SMIM13: variants seen among roughly 807,000 people sequenced by gnomAD.
SMIM13 encodes UPF0766 protein C6orf228.
SMIM13 carries 3 observed loss-of-function variants against 5.9 expected under a neutral mutation model. That is an observed-to-expected ratio of 0.51 (90% CI 0.23 to 1.31). The LOEUF is 1.31. Among genes scored for constraint, SMIM13 ranks in the 40% most tolerant of loss-of-function variants. SMIM13 has a pLI of 0.18. For missense variants in SMIM13, 85 were observed against 109.9 expected (o/e 0.77, Z 1.01); for synonymous variants, 55 against 46.0 (o/e 1.19, Z -0.79).
chr6:11,114,997 C>T (rs1758218740), intron 1 of SMIM13, among the ~76,000 whole-genome samples: 2 of 152,134 alleles, frequency 1.3e-5, no homozygotes, highest in African/African-American at 4.8e-5. Context: ...TTGGTCATGA[C>T]ATGTTATCCA....
At chr6:11,105,286 T>A (rs754919840) in intron 1 of SMIM13, 1 of 1,613,760 alleles carries the variant, frequency 6.2e-7, no homozygotes, top group Non-Finnish European at 8.5e-7. Context: ...GGCGTGAGAA[T>A]GAGAACCAGC....
intron 1 of SMIM13, among the ~76,000 whole-genome samples, chr6:11,128,661 A>G (rs949069501): frequency 6.6e-6 from 1 of 152,116 alleles, no homozygotes; most frequent in Non-Finnish European, 1.5e-5. Flanking sequence ...TCCCCAGAGC[A>G]CTTTAGCCCA....
intron 1 of SMIM13, among the ~76,000 whole-genome samples, chr6:11,115,660 G>GTTCT (rs947743451): frequency 6.6e-6 from 1 of 150,556 alleles, no homozygotes; most frequent in Admixed American, 6.6e-5. Context: ...CCTTTGCCAT[G>GTTCT]TTCTTTCTTT....
chr6:11,132,853 C>T (rs1403894354), intron 1 of SMIM13, among the ~76,000 whole-genome samples: 4 of 152,048 alleles, frequency 2.6e-5, no homozygotes, highest in Admixed American at 6.6e-5. Flanking sequence ...GTAGTGGTGA[C>T]GGTTGTACAA....
chr6:11,134,831 C>T lies in SMIM13; in HGVS notation c.*229C>T, dbSNP rs888911243. ...GTTTCACCAGCTTTCTACTTATACA[C>T]TTATTCCTTGGCTTTTGGGCTTATT... On this transcript the variant is annotated 3_prime_UTR_variant, in exon 2 of 2. Coordinates refer to ENST00000416247, the MANE Select transcript of SMIM13 (RefSeq NM_001135575.2). 3.2e-5 allele frequency: 11 copies of T among 340,352 alleles called. No homozygotes were observed. Among genetic ancestry groups the T allele is most frequent in the African/African-American group, 4.2e-5 (2 of 47,232 alleles). 21.1% of individuals were successfully genotyped at this position (340,352 alleles called of 1,614,324 possible).
At chr6:11,095,124 A>C (rs946612976) in intron 1 of SMIM13, among the ~76,000 whole-genome samples, 2 of 152,206 alleles carry the variant, frequency 1.3e-5, no homozygotes, top group Admixed American at 6.5e-5. Context: ...AGCAATTGTG[A>C]AAATCTAAAA....
chr6:11,096,691 C>CT (rs747210567), intron 1 of SMIM13, among the ~76,000 whole-genome samples: 8 of 133,830 alleles, frequency 6.0e-5, no homozygotes, highest in East Asian at 2.0e-4. Flanking sequence ...CTTTGTTTTG[C>CT]TTTTTTTTTT....
chr6:11,104,459 A>C (rs1045562078), intron 1 of SMIM13: 3 of 1,552,046 alleles, frequency 1.9e-6, no homozygotes. Flanking sequence ...TATGGAAATG[A>C]AATAAGGGGG....
At chr6:11,108,209 C>T (rs889554581) in intron 1 of SMIM13, among the ~76,000 whole-genome samples, 6 of 152,176 alleles carry the variant, frequency 3.9e-5, no homozygotes, top group East Asian at 1.9e-4. Flanking sequence ...CTCCAGGTTA[C>T]GGGCACTTCA....
At chr6:11,101,589 CAA>C (rs1757991863) in intron 1 of SMIM13, among the ~76,000 whole-genome samples, 1 of 152,014 alleles carries the variant, frequency 6.6e-6, no homozygotes, top group African/African-American at 2.4e-5. Context: ...ATTGATTGGT[CAA>C]AGAGTGCAGG....
chr6:11,104,229 A>G, intron 1 of SMIM13: 1 of 1,551,668 alleles, frequency 6.4e-7, no homozygotes, highest in Non-Finnish European at 8.7e-7. Flanking sequence ...TAGAATGCCG[A>G]GTCCCGCGAG....
chr6:11,094,651 G>A (rs1185559391), intron 1 of SMIM13, among the ~76,000 whole-genome samples: 1 of 152,130 alleles, frequency 6.6e-6, no homozygotes, highest in Non-Finnish European at 1.5e-5. Context: ...TTGCTTCACC[G>A]GCAGCGTCTG....
intron 1 of SMIM13, among the ~76,000 whole-genome samples, chr6:11,114,136 C>A (rs1236829019): frequency 6.6e-6 from 1 of 151,004 alleles, no homozygotes; most frequent in Non-Finnish European, 1.5e-5. Context: ...CGCGCCACCA[C>A]GCCTGGCTGA....
intron 1 of SMIM13, among the ~76,000 whole-genome samples, chr6:11,106,047 T>C (rs1258715748): frequency 6.6e-6 from 1 of 152,164 alleles, no homozygotes; most frequent in Non-Finnish European, 1.5e-5. Context: ...CCACTTTTCC[T>C]GAAGATTACA....
intron 1 of SMIM13, chr6:11,103,521 TC>T: frequency 1.1e-6 from 1 of 950,862 alleles, no homozygotes; most frequent in Non-Finnish European, 1.5e-6. Context: ...TTTAACTGCT[TC>T]CTGCTGACAG....
At chr6:11,094,634 C>G (rs1757899689) in intron 1 of SMIM13, among the ~76,000 whole-genome samples, 1 of 152,182 alleles carries the variant, frequency 6.6e-6, no homozygotes, top group Non-Finnish European at 1.5e-5. Flanking sequence ...CTGAGTGAAA[C>G]TCAGCCTTGC....
intron 1 of SMIM13, among the ~76,000 whole-genome samples, chr6:11,094,924 A>G (rs1160198882): frequency 5.9e-5 from 9 of 152,210 alleles, no homozygotes. Context: ...TTAAACTTGC[A>G]GGGTCGGGTA....
chr6:11,119,390 C>T (rs186329485), intron 1 of SMIM13, among the ~76,000 whole-genome samples: 240 of 152,214 alleles, frequency 1.6e-3, no homozygotes, highest in Non-Finnish European at 2.9e-3. Flanking sequence ...CTCGGTGGCT[C>T]ACGCCTGTAA....
intron 1 of SMIM13, among the ~76,000 whole-genome samples, chr6:11,130,003 CTT>C (rs1006617927): frequency 3.3e-5 from 5 of 152,086 alleles, no homozygotes; most frequent in African/African-American, 9.7e-5. Context: ...TATGAACACT[CTT>C]TGATAAACAG....
Sources: allele counts gnomAD v4.1 joint callset (sites outside exome capture counted in the v4.1 genomes callset), GRCh38; gene constraint gnomAD v4.1.1; transcripts MANE v1.5; gene names NCBI Gene and HGNC (gene_info 2026-07-23, HGNC 2026-07-21).